Variants in MARCHF1 observed in about 807,000 individuals in gnomAD.
The protein encoded by MARCHF1 is membrane associated ring-CH-type finger 1, also known as E3 ubiquitin-protein ligase MARCHF1.
A neutral mutation model predicts 54.2 loss-of-function variants in MARCHF1; 40 were observed. The ratio of observed to expected loss-of-function variants is 0.74; its 90% CI spans 0.57 to 0.96. The LOEUF (loss-of-function observed/expected upper bound fraction) is 0.96. Ranked by LOEUF, MARCHF1 falls within the 40% of genes least tolerant of loss-of-function variation. The probability of loss-of-function intolerance (pLI) is 0.00; values close to 1 mark genes in which losing one functional copy is unlikely to be tolerated. For missense variants in MARCHF1, 586 were observed against 656.5 expected (o/e 0.89, Z 1.17); for synonymous variants, 236 against 236.3 (o/e 1.00, Z 0.01).
At chr4:164,206,957 C>G (rs964047381) in intron 1 of MARCHF1, among the ~76,000 whole-genome samples, 9 of 151,942 alleles carry the variant, frequency 5.9e-5, no homozygotes, top group Non-Finnish European at 1.3e-4. Flanking sequence ...TTAATTTTAT[C>G]ATTAAAATTT....
At chr4:164,335,052 G>T (rs961892253) in intron 1 of MARCHF1, among the ~76,000 whole-genome samples, 2 of 152,158 alleles carry the variant, frequency 1.3e-5, no homozygotes, top group African/African-American at 4.8e-5. Flanking sequence ...CAAAGAAAGT[G>T]GTTTCTTGAA....
At chr4:164,243,650 GAC>G (rs1163021283) in intron 1 of MARCHF1, among the ~76,000 whole-genome samples, 1 of 147,276 alleles carries the variant, frequency 6.8e-6, no homozygotes, top group Admixed American at 7.4e-5. Context: ...CCAATTAAAA[GAC>G]ACAGACTGGC....
At chr4:164,097,453 C>A (rs1353615702) in intron 2 of MARCHF1, among the ~76,000 whole-genome samples, 1 of 152,062 alleles carries the variant, frequency 6.6e-6, no homozygotes, top group African/African-American at 2.4e-5. Flanking sequence ...TTATAGATAT[C>A]ATAAACTATG....
chr4:164,212,393 G>A (rs375122071), intron 1 of MARCHF1, among the ~76,000 whole-genome samples: 18 of 152,228 alleles, frequency 1.2e-4, no homozygotes, highest in African/African-American at 3.1e-4. Flanking sequence ...AGGTGCCAGT[G>A]TTTCTGTCTT....
At chr4:164,091,435 A>AT (rs1560899504) in intron 2 of MARCHF1, among the ~76,000 whole-genome samples, 1 of 73,174 alleles carries the variant, frequency 1.4e-5, no homozygotes, top group African/African-American at 5.0e-5. Context: ...TATATGTATA[A>AT]AATGAATTGC....
At chr4:163,962,237 G>A (rs902449685) in intron 3 of MARCHF1, among the ~76,000 whole-genome samples, 2 of 151,848 alleles carry the variant, frequency 1.3e-5, no homozygotes, top group African/African-American at 4.8e-5. Context: ...CATAATCCAG[G>A]TGGTCTTAGA....
chr4:163,907,279 ATTT>A (rs1200323482), intron 3 of MARCHF1, among the ~76,000 whole-genome samples: 1 of 152,074 alleles, frequency 6.6e-6, no homozygotes, highest in African/African-American at 2.4e-5. Flanking sequence ...AATGAAATAT[ATTT>A]TTATGTCTCA....
chr4:163,979,162 C>T (rs1752708796), intron 3 of MARCHF1, among the ~76,000 whole-genome samples: 2 of 38,200 alleles, frequency 5.2e-5, no homozygotes, highest in Non-Finnish European at 9.7e-5. Context: ...CCAATGCTAT[C>T]CCCCCCCCTC....
chr4:164,045,920 G>A (rs1754232872), intron 2 of MARCHF1, among the ~76,000 whole-genome samples: 1 of 152,152 alleles, frequency 6.6e-6, no homozygotes, highest in South Asian at 2.1e-4. Flanking sequence ...ATTTTACCCT[G>A]TTCTCAAGCA....
chr4:163,818,932 C>T (rs1366538772), intron 4 of MARCHF1, among the ~76,000 whole-genome samples: 3 of 152,108 alleles, frequency 2.0e-5, no homozygotes, highest in Admixed American at 2.0e-4. Context: ...CATCCTGCTC[C>T]CTTGTCTTTC....
At chr4:163,886,659 G>T (rs1750545998) in intron 3 of MARCHF1, among the ~76,000 whole-genome samples, 1 of 152,056 alleles carries the variant, frequency 6.6e-6, no homozygotes, top group Admixed American at 6.6e-5. Context: ...TTTTGTGTTT[G>T]GGGGGAACTT....
intron 3 of MARCHF1, among the ~76,000 whole-genome samples, chr4:163,929,801 T>C (rs1005790001): frequency 1.3e-5 from 2 of 150,152 alleles, no homozygotes; most frequent in African/African-American, 4.9e-5. Context: ...ATCCCATATA[T>C]TCTGATTTCT....
chr4:163,934,275 C>A (rs1180330175), intron 3 of MARCHF1, among the ~76,000 whole-genome samples: 3 of 151,818 alleles, frequency 2.0e-5, no homozygotes, highest in Non-Finnish European at 4.4e-5. Flanking sequence ...ACAACAACAA[C>A]AAAAAACCAC....
chr4:163,679,976 T>C (rs1439997766), intron 5 of MARCHF1, among the ~76,000 whole-genome samples: 1 of 65,212 alleles, frequency 1.5e-5, no homozygotes, highest in Non-Finnish European at 3.1e-5. Context: ...TTGCTTTTTA[T>C]CTGTTTTTTT....
chr4:163,812,584 C>G (rs1484460079), intron 4 of MARCHF1, among the ~76,000 whole-genome samples: 3 of 152,140 alleles, frequency 2.0e-5, no homozygotes, highest in South Asian at 2.1e-4. Context: ...ATGGTGAAAC[C>G]CTGTCTCTTC....
intron 3 of MARCHF1, among the ~76,000 whole-genome samples, chr4:163,921,768 T>C (rs1751435709): frequency 6.6e-6 from 1 of 152,122 alleles, no homozygotes; most frequent in Non-Finnish European, 1.5e-5. Context: ...TGTTGTTTCT[T>C]TTATGATTAT....
chr4:163,914,336 G>A (rs1751260253), intron 3 of MARCHF1, among the ~76,000 whole-genome samples: 1 of 152,062 alleles, frequency 6.6e-6, no homozygotes, highest in Non-Finnish European at 1.5e-5. Flanking sequence ...ATTATGACAT[G>A]TAAAAACTAA....
At chr4:164,041,002 T>C (rs1191039018) in intron 2 of MARCHF1, among the ~76,000 whole-genome samples, 1 of 152,140 alleles carries the variant, frequency 6.6e-6, no homozygotes, top group Non-Finnish European at 1.5e-5. Context: ...ATGTGTGTAA[T>C]TTTATTAGCT....
chr4:164,153,190 CAAACAG>C (rs1729990681), intron 1 of MARCHF1, among the ~76,000 whole-genome samples: 2 of 152,114 alleles, frequency 1.3e-5, no homozygotes, highest in Non-Finnish European at 2.9e-5. Flanking sequence ...CTAATGCACA[CAAACAG>C]AAACACACAA....
Sources: allele counts gnomAD v4.1 joint callset (sites outside exome capture counted in the v4.1 genomes callset), GRCh38; gene constraint gnomAD v4.1.1; transcripts MANE v1.5; gene names NCBI Gene and HGNC (gene_info 2026-07-23, HGNC 2026-07-21).